RNF125: variants seen among roughly 807,000 people sequenced by gnomAD.
The protein encoded by RNF125 is ring finger protein 125.
A neutral mutation model predicts 26.0 loss-of-function variants in RNF125; 21 were observed. That is an observed-to-expected ratio of 0.81 (90% CI 0.57 to 1.16). The LOEUF (loss-of-function observed/expected upper bound fraction) is 1.16. Among genes scored for constraint, RNF125 ranks in the 50% most tolerant of loss-of-function variants. The pLI is 0.00. For synonymous variants in RNF125, 95 were observed against 109.2 expected (o/e 0.87, Z 0.81); for missense variants, 270 against 299.4 (o/e 0.90, Z 0.72).
At chr18:32,067,929 G>A (rs2144519302) in intron 5 of RNF125, among the ~76,000 whole-genome samples, 1 of 152,318 alleles carries the variant, frequency 6.6e-6, no homozygotes, top group Admixed American at 6.5e-5. Context: ...GGTACTGCTG[G>A]CATTGGTGAA....
chr18:32,070,107 C>T lies in RNF125; in HGVS notation c.*1723C>T, dbSNP rs917111529. ...CCAGGCTGGAGTACAGTGGCACGATCTCGACTCACTGCAACCTCCATCTCC... is the reference window on the plus strand; with the variant it reads ...CCAGGCTGGAGTACAGTGGCACGATTTCGACTCACTGCAACCTCCATCTCC... On this transcript the variant is annotated 3_prime_UTR_variant, in exon 6 of 6. Coordinates refer to ENST00000217740, the MANE Select transcript of RNF125 (RefSeq NM_017831.4). 1 of 152,168 alleles carries T rather than the reference C, an allele frequency of 6.6e-6. No homozygotes were observed. Among genetic ancestry groups the T allele is most frequent in the Admixed American group, 6.6e-5 (1 of 15,244 alleles). The allele number at this position is 152,168 out of a possible 1,614,324, so 9.4% of individuals were successfully genotyped here.
At chr18:32,084,270 G>A in the RNF125 span, among the ~76,000 whole-genome samples, 1 of 152,120 alleles carries the variant, frequency 6.6e-6, no homozygotes, top group Non-Finnish European at 1.5e-5. Context: ...CAGGGGAATC[G>A]CTTGAACCCA....
At chr18:32,074,074 T>A (rs1469216235), downstream of RNF125, among the ~76,000 whole-genome samples, 1 of 152,208 alleles carries the variant, frequency 6.6e-6, no homozygotes, top group African/African-American at 2.4e-5. Flanking sequence ...CTAGGTGAAC[T>A]GGATTATGGT....
chr18:32,068,466 A>G lies in RNF125; in HGVS notation c.*82A>G, dbSNP rs1359840530. The G allele has an allele frequency of 7.2e-6, 6 of 827,670 alleles. No individual in the cohort carries two copies. The highest frequency in any genetic ancestry group is 2.8e-5 in the South Asian group (2 of 71,542). 51.3% of individuals were successfully genotyped at this position (827,670 alleles called of 1,614,324 possible). The stretch of plus-strand genomic sequence containing the variant: ...TGAACAAATGGGAGGGAAGTTGTCA[A>G]TGATTGATGGGCAAAAATGTACAAC... On this transcript the variant is annotated 3_prime_UTR_variant, in exon 6 of 6. Transcript: ENST00000217740.
chr18:32,030,775 T>C (rs1203822811), intron 1 of RNF125, among the ~76,000 whole-genome samples: 1 of 152,218 alleles, frequency 6.6e-6, no homozygotes, highest in African/African-American at 2.4e-5. Flanking sequence ...AAGAGCGTGG[T>C]GCTGGGACCT....
At chr18:32,034,733 C>T (rs1021567453) in intron 1 of RNF125, among the ~76,000 whole-genome samples, 5 of 151,238 alleles carry the variant, frequency 3.3e-5, no homozygotes, top group Non-Finnish European at 7.4e-5. Flanking sequence ...GCCAACATGG[C>T]GAAACACAGT....
At chr18:32,079,193 C>T in the RNF125 span, among the ~76,000 whole-genome samples, 1 of 152,086 alleles carries the variant, frequency 6.6e-6, no homozygotes, top group African/African-American at 2.4e-5. Flanking sequence ...TTTGGACAGC[C>T]GACTTCTCAC....
At chr18:32,025,230 A>G (rs1222446044) in intron 1 of RNF125, among the ~76,000 whole-genome samples, 1 of 152,220 alleles carries the variant, frequency 6.6e-6, no homozygotes, top group Non-Finnish European at 1.5e-5. Flanking sequence ...ATATATATAC[A>G]TGTAGACACA....
downstream of RNF125, among the ~76,000 whole-genome samples, chr18:32,075,410 T>G (rs575452679): frequency 6.6e-6 from 1 of 151,766 alleles, no homozygotes; most frequent in Non-Finnish European, 1.5e-5. Flanking sequence ...ATACAAAAAA[T>G]TGGCCAGGCA....
At chr18:32,056,757 A>T (rs1335416375) in intron 4 of RNF125, among the ~76,000 whole-genome samples, 1 of 152,182 alleles carries the variant, frequency 6.6e-6, no homozygotes, top group African/African-American at 2.4e-5. Flanking sequence ...ATTCTCATGG[A>T]TTACAGTAGG....
downstream of RNF125, among the ~76,000 whole-genome samples, chr18:32,073,625 C>T (rs74477752): frequency 2.2e-4 from 33 of 152,334 alleles, no homozygotes; most frequent in East Asian, 6.0e-3. Flanking sequence ...TAGATAGATT[C>T]TTCCCCCTGC....
chr18:32,090,714 G>C, the RNF125 span, among the ~76,000 whole-genome samples: 1 of 152,166 alleles, frequency 6.6e-6, no homozygotes. Flanking sequence ...TAAACAGGTT[G>C]AGAGCAAAGT....
chr18:32,018,962 G>T lies in RNF125; in HGVS notation c.99G>T (p.Thr33=). The T allele has an allele frequency of 1.2e-6, 2 of 1,613,784 alleles. No homozygotes were observed. The highest frequency in any genetic ancestry group is 1.7e-6 in the Non-Finnish European group (2 of 1,179,860). ...ERRRDPELPV[T]SFDCAVCLEV... is the part of the protein sequence containing the mutation. ...GGAGGGACCCGGAGTTGCCCGTCAC[G>T]TCCTTCGACTGCGCCGTGTGCCTTG... Residue 33 remains threonine (T), a synonymous_variant, in exon 1 of 6, where the codon ACG becomes ACT. Coordinates refer to ENST00000217740, the MANE Select transcript of RNF125 (RefSeq NM_017831.4).
chr18:32,039,396 CA>C (rs981218668), intron 2 of RNF125, among the ~76,000 whole-genome samples: 2 of 151,816 alleles, frequency 1.3e-5, no homozygotes, highest in South Asian at 4.2e-4. Context: ...ACTCTCTCAA[CA>C]AAAAAGAGGA....
the RNF125 span, among the ~76,000 whole-genome samples, chr18:32,086,562 C>T: frequency 4.6e-5 from 7 of 151,320 alleles, no homozygotes; most frequent in African/African-American, 1.7e-4. Context: ...CTCTTGTTGC[C>T]CAGGCTGGAG....
chr18:32,084,616 C>G, the RNF125 span, among the ~76,000 whole-genome samples: 3 of 152,146 alleles, frequency 2.0e-5, no homozygotes, highest in Non-Finnish European at 2.9e-5. Context: ...TGTTAACATG[C>G]CTTCCAAATT....
At chr18:32,076,401 G>A (rs899424216), downstream of RNF125, 9 of 178,796 alleles carry the variant, frequency 5.0e-5, no homozygotes, top group Non-Finnish European at 5.8e-5. Context: ...CTGCAACCTC[G>A]ACCTTTTGGG....
intron 1 of RNF125, 69 bp downstream of exon 1, chr18:32,019,096 G>A: frequency 6.4e-7 from 1 of 1,563,796 alleles, no homozygotes; most frequent in Non-Finnish European, 8.7e-7. Context: ...TGAGGGCATG[G>A]TGTGGGGAAG....
In RNF125 at chr18:32,069,910, C is replaced by T. The variant is rs1046432439; in HGVS notation, c.*1526C>T. ...GGTTCAGCACATTGCCCTGTCCTCT[C>T]GATATTAGCACACAGTGCAGGTTCA... is the stretch of plus-strand genomic sequence containing the variant. On this transcript the variant is annotated 3_prime_UTR_variant, in exon 6 of 6. Transcript: ENST00000217740. 2 of 152,090 alleles carry T rather than the reference C, an allele frequency of 1.3e-5. No individual in the cohort carries two copies. The highest frequency in any genetic ancestry group is 4.8e-5 in the African/African-American group (2 of 41,416). The allele number at this position is 152,090 out of a possible 1,614,324, so 9.4% of individuals were successfully genotyped here.
Sources: allele counts gnomAD v4.1 joint callset (sites outside exome capture counted in the v4.1 genomes callset), GRCh38; gene constraint gnomAD v4.1.1; transcripts MANE v1.5; gene names NCBI Gene and HGNC (gene_info 2026-07-23, HGNC 2026-07-21).